Variants in LRPPRC observed in about 807,000 individuals in gnomAD.
LRPPRC encodes the protein leucine-rich PPR motif-containing protein, mitochondrial.
Under a neutral mutation model 180.3 loss-of-function variants are expected in LRPPRC, and 120 were observed. That is an observed-to-expected ratio of 0.67 (90% CI 0.57 to 0.77). The LOEUF (loss-of-function observed/expected upper bound fraction) is 0.77, where lower values mean the gene tolerates loss of function less well. LRPPRC is among the 30% of genes least tolerant of loss of function. The pLI, the probability that LRPPRC is intolerant of heterozygous loss-of-function variation, is 0.00. For synonymous variants in LRPPRC, 723 were observed against 600.0 expected, an observed-to-expected ratio of 1.21 and a Z score of -3.00; for missense variants, 2,012 against 1,657.2, an observed-to-expected ratio of 1.21 and a Z score of -3.72.
intron 1 of LRPPRC, among the ~76,000 whole-genome samples, chr2:43,987,186 AATGCC>A (rs1674563199): frequency 1.3e-5 from 2 of 152,146 alleles, no homozygotes; most frequent in African/African-American, 4.8e-5. Flanking sequence ...GCAAAAAGAT[AATGCC>A]TTTTAAAAAT....
intron 23 of LRPPRC, among the ~76,000 whole-genome samples, chr2:43,941,168 G>A (rs1672467744): frequency 6.6e-6 from 1 of 152,012 alleles, no homozygotes; most frequent in Non-Finnish European, 1.5e-5. Context: ...TTTTTACATT[G>A]TCTAAATAAC....
intron 2 of LRPPRC, 21 bp downstream of exon 2, chr2:43,982,208 CAACTTTATG>C (rs1674339459): frequency 1.3e-6 from 2 of 1,512,134 alleles, no homozygotes; most frequent in Non-Finnish European, 1.8e-6. Flanking sequence ...AGCCAAAAGT[CAACTTTATG>C]AACAGGAAAT....
intron 27 of LRPPRC, among the ~76,000 whole-genome samples, chr2:43,922,632 G>A (rs1028105113): frequency 6.6e-6 from 1 of 152,134 alleles, no homozygotes; most frequent in Non-Finnish European, 1.5e-5. Flanking sequence ...GGTGGCGGGC[G>A]CCTGTAGTCC....
Position 43,979,843 on chromosome 2 carries a change from T to C in LRPPRC, c.452A>G (p.Asp151Gly), listed in dbSNP as rs900826601. 6.2e-6 allele frequency: 10 copies of C among 1,613,110 alleles called. No individual in the cohort carries two copies. Among genetic ancestry groups the C allele is most frequent in the African/African-American group, 2.7e-5 (2 of 74,912 alleles). Reference protein sequence around the residue: ...ERTEFAHRIWDTLQKLGAVYD... With the variant: ...ERTEFAHRIWGTLQKLGAVYD... ...AATCATACCTAATTTCTGAAGTGTG[T>C]CCCATATCCTATGAGCAAATTCTGT... Residue 151 changes from aspartate to glycine, a missense_variant, in exon 3 of 38, where the codon GAC becomes GGC. Asp to Gly is a moderately conservative substitution (Grantham distance 94). Transcript: ENST00000260665.
chr2:43,950,363 A>G (rs1052935356), intron 15 of LRPPRC, among the ~76,000 whole-genome samples: 5 of 152,158 alleles, frequency 3.3e-5, no homozygotes, highest in Admixed American at 3.3e-4. Flanking sequence ...ATTCTTCCTG[A>G]TCCTCTCCCT....
intron 1 of LRPPRC, 74 bp downstream of exon 1, chr2:43,995,725 G>C (rs898608658): frequency 1.5e-6 from 2 of 1,300,704 alleles, no homozygotes; most frequent in African/African-American, 3.1e-5. Flanking sequence ...GCAGGACCCG[G>C]TCCCTGCCGG....
chr2:43,925,546 C>G (rs1671845912), intron 26 of LRPPRC, among the ~76,000 whole-genome samples: 1 of 152,104 alleles, frequency 6.6e-6, no homozygotes, highest in Non-Finnish European at 1.5e-5. Context: ...ATGGTGCAAA[C>G]AGGTACCTGC....
chr2:43,971,013 T>C (rs1572562595), intron 11 of LRPPRC, among the ~76,000 whole-genome samples: 1 of 152,044 alleles, frequency 6.6e-6, no homozygotes, highest in East Asian at 1.9e-4. Flanking sequence ...GGCAAGAGAA[T>C]TGCTTGAACC....
intron 11 of LRPPRC, among the ~76,000 whole-genome samples, chr2:43,967,239 A>G (rs1225796258): frequency 1.3e-5 from 2 of 152,072 alleles, no homozygotes; most frequent in Non-Finnish European, 2.9e-5. Flanking sequence ...GTTTCTACCA[A>G]AAAAAATTAT....
At chr2:43,950,471 A>G (rs1672855776) in intron 15 of LRPPRC, 102 bp downstream of exon 15, 1 of 1,088,138 alleles carries the variant, frequency 9.2e-7, no homozygotes, top group Non-Finnish European at 1.4e-6. Flanking sequence ...ATTTTAGTAG[A>G]AAACCAAATA....
chr2:43,972,592 A>C (rs892980890), intron 11 of LRPPRC, among the ~76,000 whole-genome samples: 4 of 152,214 alleles, frequency 2.6e-5, no homozygotes, highest in African/African-American at 9.6e-5. Flanking sequence ...TTCAGACTGG[A>C]GGATATACAA....
intron 31 of LRPPRC, among the ~76,000 whole-genome samples, chr2:43,904,947 C>T (rs375041235): frequency 3.9e-5 from 6 of 152,116 alleles, no homozygotes; most frequent in Admixed American, 6.5e-5. Flanking sequence ...TTAAGAGATT[C>T]GTCATAGTGC....
At chr2:43,990,877 G>A (rs942777652) in intron 1 of LRPPRC, among the ~76,000 whole-genome samples, 3 of 143,144 alleles carry the variant, frequency 2.1e-5, no homozygotes, top group Non-Finnish European at 4.5e-5. Context: ...ATGGAGTCTC[G>A]CTTCGTAGCC....
rs185109184 is a variant in LRPPRC, at chr2:43,916,532, T to C, written c.3148+1493A>G. Among the ~76,000 whole-genome samples the C allele has an allele frequency of 5.1e-4, 78 of 152,362 alleles. 1 individual carries two copies. In the East Asian group the frequency reaches 0.011, roughly 22 times the overall value. ...ACTAGTATAGTAATTAATGCCTTAA[T>C]CATTTTTTGCTTTCAAGTAAGTTAT... On this transcript the variant is annotated intron_variant, in intron 29 of 37. Coordinates refer to ENST00000260665, the MANE Select transcript of LRPPRC (RefSeq NM_133259.4).
At chr2:43,969,132 T>C (rs1673688524) in intron 11 of LRPPRC, among the ~76,000 whole-genome samples, 2 of 152,074 alleles carry the variant, frequency 1.3e-5, no homozygotes, top group Admixed American at 1.3e-4. Context: ...CAAGTCTCAG[T>C]CCGGGCGCAG....
At chr2:43,968,931 A>G (rs1389601946) in intron 11 of LRPPRC, among the ~76,000 whole-genome samples, 1 of 152,250 alleles carries the variant, frequency 6.6e-6, no homozygotes, top group African/African-American at 2.4e-5. Context: ...TTGAAGGTTT[A>G]TGGTTGTTAA....
chr2:43,974,951 A>G (rs1673986112), intron 7 of LRPPRC, 140 bp downstream of exon 7: 3 of 971,860 alleles, frequency 3.1e-6, no homozygotes, highest in South Asian at 2.8e-5. Flanking sequence ...CTAAACTATA[A>G]TAATTCTCCA....
intron 37 of LRPPRC, 152 bp downstream of exon 37, chr2:43,889,582 T>C (rs1670407738): frequency 4.1e-6 from 3 of 726,378 alleles, no homozygotes; most frequent in Non-Finnish European, 5.0e-6. Context: ...AGCCAAGGCA[T>C]GCTGCTCAGT....
In LRPPRC at chr2:43,889,606, C is replaced by G; in HGVS notation, c.4128+128G>C. The G allele has an allele frequency of 6.1e-6, 5 of 821,350 alleles. 1 individual carries two copies. The South Asian group carries it at 7.2e-5, about 12-fold the overall frequency. 50.9% of individuals were successfully genotyped at this position (821,350 alleles called of 1,614,324 possible). A position where few individuals can be genotyped will look rare whatever the true frequency, so the allele number is the denominator to read the frequency against. On this transcript the variant is annotated intron_variant, in intron 37 of 37. Coordinates refer to ENST00000260665, the MANE Select transcript of LRPPRC (RefSeq NM_133259.4). ...ATGCTGCTCAGTCCCTCAAGCCATC[C>G]CCTGAGGGCTCTTCACAGAGATCTA...
Sources: gnomAD v4.1 joint callset for allele counts (sites outside exome capture counted in the v4.1 genomes callset) on GRCh38, gnomAD v4.1.1 for gene constraint, MANE v1.5 for transcripts, NCBI Gene and HGNC (gene_info 2026-07-23, HGNC 2026-07-21) for gene names.